Variants in RABGAP1L observed in about 807,000 individuals in gnomAD.
The protein encoded by RABGAP1L is rab GTPase-activating protein 1-like.
RABGAP1L carries 63 observed loss-of-function variants against 137.7 expected under a neutral mutation model. That is an observed-to-expected ratio of 0.46 (90% CI 0.37 to 0.56). The LOEUF is 0.56. Ranked by LOEUF, RABGAP1L falls within the 20% of genes least tolerant of loss-of-function variation. The probability of loss-of-function intolerance (pLI) is 0.00; values close to 1 mark genes in which losing one functional copy is unlikely to be tolerated. For missense variants in RABGAP1L, 1,095 were observed against 1,244.0 expected, an observed-to-expected ratio of 0.88 and a Z score of 1.80; for synonymous variants, 431 against 433.7, an observed-to-expected ratio of 0.99 and a Z score of 0.08.
At chr1:174,544,151 G>A (rs1212747918) in intron 13 of RABGAP1L, among the ~76,000 whole-genome samples, 6 of 152,152 alleles carry the variant, frequency 3.9e-5, no homozygotes, top group Admixed American at 2.0e-4. Context: ...TGCCTTGCTA[G>A]GTTGGGTAAG....
intron 1 of RABGAP1L, among the ~76,000 whole-genome samples, chr1:174,207,775 T>C (rs916009197): frequency 5.3e-5 from 8 of 152,180 alleles, no homozygotes; most frequent in African/African-American, 1.9e-4. Flanking sequence ...ATTCAGTTTC[T>C]TGAAAAATAT....
intron 7 of RABGAP1L, among the ~76,000 whole-genome samples, chr1:174,260,964 C>A (rs1571825158): frequency 6.6e-6 from 1 of 151,500 alleles, no homozygotes; most frequent in Non-Finnish European, 1.5e-5. Flanking sequence ...ACAAATAATA[C>A]CATATACATT....
intron 14 of RABGAP1L, among the ~76,000 whole-genome samples, chr1:174,660,075 A>C (rs1676261982): frequency 6.6e-6 from 1 of 152,216 alleles, no homozygotes; most frequent in East Asian, 1.9e-4. Context: ...ACAGAACAAC[A>C]GTATCAGTAA....
At chr1:174,452,649 C>T (rs796726302) in intron 13 of RABGAP1L, among the ~76,000 whole-genome samples, 1 of 152,166 alleles carries the variant, frequency 6.6e-6, no homozygotes, top group South Asian at 2.1e-4. Flanking sequence ...GCAAGCTCCA[C>T]ATCCTGGGTT....
intron 13 of RABGAP1L, among the ~76,000 whole-genome samples, chr1:174,627,341 C>A (rs1054589777): frequency 1.3e-5 from 2 of 152,194 alleles, no homozygotes; most frequent in African/African-American, 4.8e-5. Context: ...ACAAAGCTGT[C>A]TTCCTAATGC....
chr1:174,853,717 C>G (rs1031482886), intron 19 of RABGAP1L, among the ~76,000 whole-genome samples: 2 of 151,878 alleles, frequency 1.3e-5, no homozygotes, highest in Non-Finnish European at 2.9e-5. Context: ...GGCGACAGAG[C>G]GAGACTCCAC....
rs935464565 is a variant in RABGAP1L at position 174,448,994 on chromosome 1, A to C, written c.1710+54849A>C. On this transcript the variant is annotated intron_variant, in intron 13 of 25. Coordinates refer to ENST00000681986, the MANE Select transcript of RABGAP1L (RefSeq NM_001366446.1). This position sits in a 1 kb window ranked among gnomAD's most constrained non-coding sequence, Gnocchi z 4.2. ...TCTAGAAAGCTCCCGGGTCTTGGAC[A>C]ATCCAACTCTGTCCTTCTTAACAAC... 2 of 1,613,650 alleles carry C rather than the reference A, an allele frequency of 1.2e-6. No homozygotes were observed. Among genetic ancestry groups the C allele is most frequent in the African/African-American group, 2.7e-5 (2 of 75,018 alleles).
At chr1:174,486,351 CT>C (rs200712256) in intron 13 of RABGAP1L, among the ~76,000 whole-genome samples, 13,375 of 132,070 alleles carry the variant, frequency 0.1, 757 homozygotes, top group East Asian at 0.23. Context: ...CTGCTCTGAT[CT>C]TTTTTTTTTT....
intron 19 of RABGAP1L, among the ~76,000 whole-genome samples, chr1:174,951,723 T>A (rs937012216): frequency 1.3e-5 from 2 of 152,130 alleles, no homozygotes; most frequent in Non-Finnish European, 2.9e-5. Context: ...TTTGTCACAG[T>A]GACAGGCAGC....
At chr1:174,652,125 G>A (rs1416777781) in intron 14 of RABGAP1L, among the ~76,000 whole-genome samples, 1 of 152,172 alleles carries the variant, frequency 6.6e-6, no homozygotes, top group Non-Finnish European at 1.5e-5. Context: ...GAAATTCTGG[G>A]TTAAAAATTC....
rs1035937966 is a variant in RABGAP1L, at chr1:174,422,967, A to T, written c.1710+28822A>T. On this transcript the variant is annotated intron_variant, in intron 13 of 25. Transcript: ENST00000681986. The stretch of plus-strand genomic sequence containing the variant: ...GTCCAAAAAAAAAAAAAAAAAAAAA[A>T]TTTTTTTTGAACCATTATAGCTAAA... Among the ~76,000 whole-genome samples, 66 of 137,700 alleles carry T rather than the reference A, an allele frequency of 4.8e-4. No homozygotes were observed. In the East Asian group the frequency reaches 5.8e-3, roughly 12 times the overall value. 90.3% of individuals were successfully genotyped at this position (137,700 alleles called of 152,430 possible).
intron 13 of RABGAP1L, among the ~76,000 whole-genome samples, chr1:174,493,689 T>C (rs1660474512): frequency 6.6e-6 from 1 of 151,592 alleles, no homozygotes; most frequent in Non-Finnish European, 1.5e-5. Context: ...GGCATGGTGG[T>C]GTGCACCTGT....
At chr1:174,748,409 A>G (rs1268293736) in intron 17 of RABGAP1L, among the ~76,000 whole-genome samples, 2 of 152,168 alleles carry the variant, frequency 1.3e-5, no homozygotes, top group Admixed American at 6.5e-5. Flanking sequence ...CCTGTTACTA[A>G]ACACATATGT....
chr1:174,895,805 GT>G (rs1657056428), intron 19 of RABGAP1L, among the ~76,000 whole-genome samples: 2 of 152,146 alleles, frequency 1.3e-5, no homozygotes, highest in South Asian at 4.1e-4. Flanking sequence ...GTATTCCATG[GT>G]ATATATGTGC....
chr1:174,436,012 T>C (rs1020329638), intron 13 of RABGAP1L, among the ~76,000 whole-genome samples: 1 of 152,194 alleles, frequency 6.6e-6, no homozygotes, highest in African/African-American at 2.4e-5. Flanking sequence ...TGCATAGTAT[T>C]CCATGGTGTA....
At chr1:174,409,691 C>T (rs1266344582) in intron 13 of RABGAP1L, among the ~76,000 whole-genome samples, 1 of 152,088 alleles carries the variant, frequency 6.6e-6, no homozygotes, top group Non-Finnish European at 1.5e-5. Flanking sequence ...GAAAGGAATG[C>T]ATTCCTGGGG....
At position 174,163,779 on chromosome 1, in the gene RABGAP1L, T is replaced by A. The variant is rs898797586; in HGVS notation, c.-34+4122T>A. 3.3e-5 allele frequency among the ~76,000 whole-genome samples: 5 copies of A among 152,158 alleles called. No individual in the cohort carries two copies. In the East Asian group the frequency reaches 5.8e-4, roughly 18 times the overall value. On this transcript the variant is annotated intron_variant, in intron 1 of 25. Transcript: ENST00000681986. ...AGGAAAATAAGACAGTTTTTTTTTT[T>A]AATAAAAGGCTGATTTTCCCAGAAT...
At chr1:174,509,210 G>T (rs979733251) in intron 13 of RABGAP1L, among the ~76,000 whole-genome samples, 1 of 152,140 alleles carries the variant, frequency 6.6e-6, no homozygotes, top group African/African-American at 2.4e-5. Context: ...AATAAAATCT[G>T]TGTAATCAAA....
intron 13 of RABGAP1L, among the ~76,000 whole-genome samples, chr1:174,551,272 A>C (rs1463160919): frequency 1.3e-5 from 2 of 151,702 alleles, no homozygotes; most frequent in African/African-American, 4.8e-5. Context: ...TGAGTGGAAC[A>C]TCACCAAGGT....
Sources: allele counts gnomAD v4.1 joint callset (sites outside exome capture counted in the v4.1 genomes callset), GRCh38; gene constraint gnomAD v4.1.1; non-coding constraint Gnocchi (gnomAD v3.1); transcripts MANE v1.5; gene names NCBI Gene and HGNC (gene_info 2026-07-23, HGNC 2026-07-21).